ORC4: variants seen among roughly 807,000 people sequenced by gnomAD.
ORC4 encodes origin recognition complex subunit 4, also known as origin recognition complex, subunit 4 homolog.
A neutral mutation model predicts 63.9 loss-of-function variants in ORC4; 55 were observed. The observed-to-expected ratio is 0.86, with a 90% confidence interval of 0.69 to 1.08. ORC4 has a LOEUF of 1.08. ORC4 is among the 50% of genes least tolerant of loss of function. ORC4 has a pLI of 0.00. For missense variants in ORC4, 511 were observed against 504.4 expected, an observed-to-expected ratio of 1.01 and a Z score of -0.13; for synonymous variants, 150 against 168.5, an observed-to-expected ratio of 0.89 and a Z score of 0.85.
intron 1 of ORC4, among the ~76,000 whole-genome samples, chr2:147,995,762 A>C (rs1691926294): frequency 6.6e-6 from 1 of 151,576 alleles, no homozygotes; most frequent in East Asian, 1.9e-4. Flanking sequence ...GACACATCTG[A>C]ACATCTGAAC....
At chr2:148,007,017 CTG>C (rs2105451781) in intron 1 of ORC4, among the ~76,000 whole-genome samples, 1 of 152,332 alleles carries the variant, frequency 6.6e-6, no homozygotes, top group East Asian at 1.9e-4. Context: ...TCCATCAGGA[CTG>C]TGTATGTAGG....
chr2:147,967,173 A>G, intron 4 of ORC4, among the ~76,000 whole-genome samples: 1 of 152,052 alleles, frequency 6.6e-6, no homozygotes, highest in East Asian at 1.9e-4. Flanking sequence ...AGGTATAGAA[A>G]AAAAACACCA....
chr2:147,937,293 G>A (rs953719604), intron 13 of ORC4, among the ~76,000 whole-genome samples: 3 of 152,030 alleles, frequency 2.0e-5, no homozygotes, highest in East Asian at 1.9e-4. Flanking sequence ...CACTGTCCAC[G>A]CTAGGCTACT....
intron 4 of ORC4, among the ~76,000 whole-genome samples, chr2:147,967,088 C>T (rs1573806675): frequency 1.3e-5 from 2 of 152,090 alleles, no homozygotes; most frequent in East Asian, 3.9e-4. Flanking sequence ...AGGCCAGAAA[C>T]TATATCATCT....
chr2:147,960,818 G>A (rs1387418449), intron 4 of ORC4, among the ~76,000 whole-genome samples: 1 of 152,214 alleles, frequency 6.6e-6, no homozygotes, highest in Admixed American at 6.5e-5. Flanking sequence ...GAGCCCAGGA[G>A]GTTGAGGCTT....
Position 147,932,082 on chromosome 2 carries a change from A to C in ORC4, c.*3428T>G, listed in dbSNP as rs1488688548. 1 of 151,768 alleles carries C rather than the reference A, an allele frequency of 6.6e-6. No individual in the cohort carries two copies. Among genetic ancestry groups the C allele is most frequent in the Non-Finnish European group, 1.5e-5 (1 of 67,934 alleles). 9.4% of individuals were successfully genotyped at this position (151,768 alleles called of 1,614,324 possible). A position where few individuals can be genotyped will look rare whatever the true frequency, so the allele number is the denominator to read the frequency against. Reference sequence around the variant, plus strand: ...CATCGTCTCAGCCCAAAATCTCCTTAAGCTGATAAGCAACTTCAGCAAAGT... The same window carrying C: ...CATCGTCTCAGCCCAAAATCTCCTTCAGCTGATAAGCAACTTCAGCAAAGT... On this transcript the variant is annotated 3_prime_UTR_variant, in exon 14 of 14. Transcript: ENST00000392857.
intron 7 of ORC4, among the ~76,000 whole-genome samples, chr2:147,953,639 C>A (rs1356386449): frequency 1.3e-5 from 2 of 152,184 alleles, no homozygotes; most frequent in African/African-American, 4.8e-5. Flanking sequence ...GCCACTTAAA[C>A]TCCCTTGAAG....
chr2:147,938,503 A>G (rs1688186479), intron 11 of ORC4, 110 bp from the exon 12 acceptor site: 7 of 721,308 alleles, frequency 9.7e-6, no homozygotes, highest in African/African-American at 5.3e-5. Flanking sequence ...AGGGGTGAAG[A>G]AGGTCAAGAT....
chr2:147,990,583 T>C (rs1010569346), intron 1 of ORC4, among the ~76,000 whole-genome samples: 2 of 152,202 alleles, frequency 1.3e-5, no homozygotes, highest in Non-Finnish European at 2.9e-5. Flanking sequence ...CAGCCTCTGG[T>C]GAGATGTTTC....
intron 1 of ORC4, among the ~76,000 whole-genome samples, chr2:148,019,602 AAAC>A (rs1693558618): frequency 6.6e-6 from 1 of 152,248 alleles, no homozygotes; most frequent in South Asian, 2.1e-4. Context: ...AACAAAAAAC[AAAC>A]AAAAAGAACC....
Position 147,938,152 on chromosome 2 carries a change from G to C in ORC4, c.1116C>G (p.Val372=). Residue 372 remains valine, a synonymous_variant, in exon 13 of 14, where the codon GTC becomes GTG. Transcript: ENST00000392857. ...ACAGCAAACTAAATCTTACCTTCAT[G>C]ACAACAGGTTTTTCAAAATTATAAA... ...HSVYNFEKPV[V]MKAFEHLQQL... The C allele has an allele frequency of 6.2e-7, 1 of 1,605,940 alleles. No individual in the cohort carries two copies. The highest frequency in any genetic ancestry group is 8.5e-7 in the Non-Finnish European group (1 of 1,173,098).
At chr2:147,956,690 T>C (rs1469432163) in intron 6 of ORC4, among the ~76,000 whole-genome samples, 3 of 152,084 alleles carry the variant, frequency 2.0e-5, no homozygotes, top group Non-Finnish European at 4.4e-5. Flanking sequence ...GTATATCGTA[T>C]CATGTTTGGC....
At position 147,952,414 on chromosome 2, in the gene ORC4, C is replaced by A. The variant is rs1415303366; in HGVS notation, c.547G>T (p.Ala183Ser). ...CCAATAACTGCTATTGGGGTCTGTG[C>A]AGACTGAGAAATGTCAAAAAGATTA... ...LYNLFDISQSAQTPIAVIGLT... is the reference protein window; with the variant it reads ...LYNLFDISQSSQTPIAVIGLT... Residue 183 changes from alanine (A) to serine (S), a missense_variant, in exon 8 of 14, where the codon GCA becomes TCA. Coordinates refer to ENST00000392857, the MANE Select transcript of ORC4 (RefSeq NM_181741.4). 1 of 1,610,164 alleles carries A rather than the reference C, an allele frequency of 6.2e-7. No homozygotes were observed.
chr2:147,990,121 T>A (rs1691493123), intron 1 of ORC4, among the ~76,000 whole-genome samples: 1 of 152,212 alleles, frequency 6.6e-6, no homozygotes, highest in African/African-American at 2.4e-5. Context: ...CAAATTCTAT[T>A]ACTGTTTACC....
intron 10 of ORC4, among the ~76,000 whole-genome samples, chr2:147,939,500 T>C (rs17225635): frequency 6.6e-6 from 1 of 152,104 alleles, no homozygotes; most frequent in Admixed American, 6.6e-5. Flanking sequence ...CTTGTTTACT[T>C]ACTGCTTGGA....
intron 1 of ORC4, among the ~76,000 whole-genome samples, chr2:148,006,251 T>G (rs1692621872): frequency 6.6e-6 from 1 of 152,156 alleles, no homozygotes; most frequent in African/African-American, 2.4e-5. Context: ...ACACAGGGCA[T>G]TCTGCTGGTG....
chr2:148,003,573 A>C (rs1692445835), intron 1 of ORC4, among the ~76,000 whole-genome samples: 1 of 152,212 alleles, frequency 6.6e-6, no homozygotes, highest in African/African-American at 2.4e-5. Context: ...CTTCATGCTA[A>C]AAACTCTCAA....
At chr2:147,981,713 CAT>C (rs540271977) in intron 1 of ORC4, among the ~76,000 whole-genome samples, 4 of 143,130 alleles carry the variant, frequency 2.8e-5, no homozygotes, top group East Asian at 2.1e-4. Flanking sequence ...AGAAAAAAAA[CAT>C]ATAAAATATA....
intron 4 of ORC4, among the ~76,000 whole-genome samples, chr2:147,961,481 G>A (rs187505441): frequency 6.6e-6 from 1 of 150,830 alleles, no homozygotes; most frequent in Non-Finnish European, 1.5e-5. Flanking sequence ...TTATACTATC[G>A]AGAGTTATTG....
Sources: allele counts gnomAD v4.1 joint callset (sites outside exome capture counted in the v4.1 genomes callset), GRCh38; gene constraint gnomAD v4.1.1; transcripts MANE v1.5; gene names NCBI Gene and HGNC (gene_info 2026-07-23, HGNC 2026-07-21).